HYLS1: variants seen among roughly 807,000 people sequenced by gnomAD.
The protein encoded by HYLS1 is HYLS1 centriolar and ciliogenesis associated.
HYLS1 carries 25 observed loss-of-function variants against 29.4 expected under a neutral mutation model. That is an observed-to-expected ratio of 0.85 (90% CI 0.62 to 1.19). The LOEUF (loss-of-function observed/expected upper bound fraction) is 1.19, where lower values mean the gene tolerates loss of function less well. Ranked by LOEUF, HYLS1 falls within the 50% of genes most tolerant of loss-of-function variation. HYLS1 has a pLI of 0.00. For missense variants in HYLS1, 352 were observed against 365.1 expected (o/e 0.96, Z 0.29); for synonymous variants, 128 against 126.7 (o/e 1.01, Z -0.07).
intron 2 of HYLS1, among the ~76,000 whole-genome samples, chr11:125,891,807 T>C (rs1944415044): frequency 6.6e-6 from 1 of 152,206 alleles, no homozygotes; most frequent in Admixed American, 6.5e-5. Context: ...TAATGTACTT[T>C]TTAGTACTAC....
At chr11:125,893,802 T>C in intron 2 of HYLS1, 1 of 1,610,002 alleles carries the variant, frequency 6.2e-7, no homozygotes, top group African/African-American at 1.3e-5. Flanking sequence ...ATGCTTTTAA[T>C]TTCTGTGTCA....
intron 2 of HYLS1, chr11:125,895,380 T>C (rs1206818202): frequency 1.9e-6 from 3 of 1,614,182 alleles, no homozygotes; most frequent in East Asian, 4.5e-5. Context: ...CTGACATAAC[T>C]GGAAAGGTTC....
chr11:125,895,487 T>TA (rs1328387021), intron 2 of HYLS1: 2 of 1,614,046 alleles, frequency 1.2e-6, no homozygotes, highest in Non-Finnish European at 1.7e-6. Context: ...CTACATCCAT[T>TA]TTACACAAGT....
At chr11:125,887,604 T>G (rs139867727), upstream of HYLS1, 2 of 152,294 alleles carry the variant, frequency 1.3e-5, no homozygotes, top group African/African-American at 4.8e-5. Context: ...AGGGTGCCGG[T>G]TCGCTCTCCG....
chr11:125,890,402 A>T (rs622221), intron 1 of HYLS1, among the ~76,000 whole-genome samples: 123,085 of 152,188 alleles, frequency 0.81, 50,545 homozygotes, highest in Admixed American at 0.89. Flanking sequence ...TTTTGCCTTC[A>T]TTATGGTATT....
chr11:125,894,045 T>C, intron 2 of HYLS1: 1 of 1,614,236 alleles, frequency 6.2e-7, no homozygotes, highest in African/African-American at 1.3e-5. Flanking sequence ...GTCTGCTTTA[T>C]GACAGAGGGC....
At chr11:125,887,505 A>G (rs1331648268), upstream of HYLS1, 1 of 152,310 alleles carries the variant, frequency 6.6e-6, no homozygotes, top group Non-Finnish European at 1.5e-5. Context: ...GCCGGCGGAG[A>G]AGGCCCAGAC....
chr11:125,892,694 C>T (rs1944445606), intron 2 of HYLS1, among the ~76,000 whole-genome samples: 1 of 152,152 alleles, frequency 6.6e-6, no homozygotes, highest in Admixed American at 6.5e-5. Context: ...CCATTTTCAT[C>T]ATCTATTGCC....
chr11:125,886,740 C>T (rs1375378056), upstream of HYLS1, among the ~76,000 whole-genome samples: 1 of 151,398 alleles, frequency 6.6e-6, no homozygotes, highest in Non-Finnish European at 1.5e-5. Flanking sequence ...GGTGAAACCC[C>T]ATCTCTACTA....
At chr11:125,892,900 A>G (rs1205221709) in intron 2 of HYLS1, among the ~76,000 whole-genome samples, 1 of 152,170 alleles carries the variant, frequency 6.6e-6, no homozygotes, top group Non-Finnish European at 1.5e-5. Context: ...ACCTTTTTAA[A>G]CTATGTTCTT....
chr11:125,892,507 CTCAG>C (rs371075104), intron 2 of HYLS1, among the ~76,000 whole-genome samples: 2 of 152,296 alleles, frequency 1.3e-5, no homozygotes, highest in East Asian at 1.9e-4. Context: ...TTTTTCCTCT[CTCAG>C]TATGTGGTAC....
chr11:125,898,570 C>T (rs947558863), intron 2 of HYLS1, among the ~76,000 whole-genome samples: 6 of 151,834 alleles, frequency 4.0e-5, no homozygotes, highest in Admixed American at 1.3e-4. Context: ...CCAGTTACTC[C>T]GGAGTCTTAG....
intron 1 of HYLS1, among the ~76,000 whole-genome samples, chr11:125,890,029 C>T (rs1342387454): frequency 1.3e-5 from 2 of 152,140 alleles, no homozygotes; most frequent in Non-Finnish European, 2.9e-5. Flanking sequence ...GCCTCAAACT[C>T]CAGGGTTCAA....
intron 2 of HYLS1, among the ~76,000 whole-genome samples, chr11:125,893,129 G>T (rs1349130358): frequency 6.6e-6 from 1 of 152,130 alleles, no homozygotes; most frequent in Non-Finnish European, 1.5e-5. Flanking sequence ...AAACACCATG[G>T]CCCATGAACT....
At chr11:125,894,626 T>C (rs1216127352) in intron 2 of HYLS1, among the ~76,000 whole-genome samples, 1 of 152,226 alleles carries the variant, frequency 6.6e-6, no homozygotes, top group Non-Finnish European at 1.5e-5. Flanking sequence ...AGTAAAATTA[T>C]TGGTATCTAT....
At chr11:125,899,003 T>G (rs1159383957) in intron 2 of HYLS1, 1 of 189,744 alleles carries the variant, frequency 5.3e-6, no homozygotes, top group Non-Finnish European at 1.1e-5. Context: ...GCACATAAAG[T>G]ACTCCCTAAG....
Position 125,894,165 on chromosome 11 carries a change from C to G in HYLS1, c.-26+2693C>G, listed in dbSNP as rs779598027. The G allele has an allele frequency of 1.2e-5, 19 of 1,614,044 alleles. No homozygotes were observed. Among genetic ancestry groups the G allele is most frequent in the Non-Finnish European group, 1.6e-5 (19 of 1,180,036 alleles). On this transcript the variant is annotated intron_variant, in intron 2 of 2. Coordinates refer to ENST00000425380, the MANE Select transcript of HYLS1 (RefSeq NM_001134793.2). ...CTATACAACATGTGAGTTTTGACAG[C>G]ATGATTAGCCCACAGTTGTTGTAGG...
chr11:125,900,013 G>A lies in HYLS1; in HGVS notation c.645G>A (p.Arg215=), dbSNP rs766770116. 1 of 1,614,204 alleles carries A rather than the reference G, an allele frequency of 6.2e-7. No homozygotes were observed. Among genetic ancestry groups the A allele is most frequent in the Non-Finnish European group, 8.5e-7 (1 of 1,180,036 alleles). Residue 215 remains arginine, a synonymous_variant, in exon 3 of 3, where the codon CGG becomes CGA. Coordinates refer to ENST00000425380, the MANE Select transcript of HYLS1 (RefSeq NM_001134793.2). ...RNRGKTDRVA[R]YFEYKRDWDS... ...GGGGCAAGACAGACCGGGTAGCCCG[G>A]TATTTTGAGTACAAACGGGACTGGG... is the stretch of plus-strand genomic sequence containing the variant.
rs1178781904 is a variant in HYLS1, at chr11:125,900,274, T to C, written c.*6T>C. ...TCCCTCTTTCTCCTTCTTAAATCTT[T>C]TTAAACTTCTTTCACAGGATTGTTT... On this transcript the variant is annotated 3_prime_UTR_variant, in exon 3 of 3. Transcript: ENST00000425380. The C allele has an allele frequency of 5.6e-6, 9 of 1,613,586 alleles. No individual in the cohort carries two copies. The Admixed American group carries it at 8.3e-5, about 15-fold the overall frequency.
Sources: gnomAD v4.1 joint callset for allele counts (sites outside exome capture counted in the v4.1 genomes callset) on GRCh38, gnomAD v4.1.1 for gene constraint, MANE v1.5 for transcripts, NCBI Gene and HGNC (gene_info 2026-07-23, HGNC 2026-07-21) for gene names.